Variants in DMD observed in about 807,000 individuals in gnomAD.
DMD encodes dystrophin.
In DMD, 63 loss-of-function variants were observed where a neutral mutation model predicts 330.1. The observed-to-expected ratio is 0.19, with a 90% CI of 0.16 to 0.24. The LOEUF is 0.24. Ranked by LOEUF, DMD falls within the 10% of genes least tolerant of loss-of-function variation. The pLI is 1.00. For missense variants in DMD, 3,344 were observed against 2,684.1 expected, an observed-to-expected ratio of 1.25 and a Z score of -5.43; for synonymous variants, 1,223 against 959.8, an observed-to-expected ratio of 1.27 and a Z score of -5.07.
intron 16 of DMD, among the ~76,000 whole-genome samples, chrX:32,557,692 G>T (rs1015999461): frequency 8.9e-6 from 1 of 111,805 alleles, no homozygotes; most frequent in Non-Finnish European, 1.9e-5. Flanking sequence ...ATCTGGTAAA[G>T]ATTTGCATCT....
Position 32,217,070 on chromosome X carries a change from G to GCCC in DMD, c.6291-8_6291-7insGGG. 8.3e-7 allele frequency: 1 copy of GCCC among 1,206,461 alleles called. No homozygotes were observed. Among genetic ancestry groups the GCCC allele is most frequent in the Non-Finnish European group, 1.1e-6 (1 of 891,581 alleles). On this transcript the variant is annotated splice_polypyrimidine_tract_variant and splice_region_variant and intron_variant, in intron 43 of 78. Transcript: ENST00000357033. ...AACAGATCTGTCAAATCGCCTGCAGGTAAAAGCATATGGATCAAGAAAAAT... is the reference window on the plus strand; with the variant it reads ...AACAGATCTGTCAAATCGCCTGCAGGCCCTAAAAGCATATGGATCAAGAAAAAT...
chrX:33,017,971 G>T (rs1194922034), intron 2 of DMD, among the ~76,000 whole-genome samples: 1 of 112,078 alleles, frequency 8.9e-6, no homozygotes, highest in Admixed American at 9.5e-5. Flanking sequence ...TTCACCAAGT[G>T]GCTTAAACTG....
chrX:32,811,199 G>A (rs1753149229), intron 6 of DMD, among the ~76,000 whole-genome samples: 2 of 101,256 alleles, frequency 2.0e-5, no homozygotes, highest in East Asian at 3.0e-4. Flanking sequence ...AAAAAAAATA[G>A]CCAAGTGTGC....
chrX:31,433,855 G>GT (rs111620905), intron 60 of DMD, among the ~76,000 whole-genome samples: 22,927 of 110,844 alleles, frequency 0.21, 2,524 homozygotes, highest in African/African-American at 0.41. Flanking sequence ...AGAAATTATA[G>GT]TTTTTTTCCC....
chrX:32,729,651 C>T (rs1245207105), intron 7 of DMD, among the ~76,000 whole-genome samples: 1 of 111,502 alleles, frequency 9.0e-6, no homozygotes, highest in Non-Finnish European at 1.9e-5. Context: ...AGAAATATGC[C>T]AAATTTAATA....
In DMD at chrX:32,667,417, A is replaced by T. The variant is rs2061372272; in HGVS notation, c.961-22265T>A. On this transcript the variant is annotated intron_variant, in intron 9 of 78. Transcript: ENST00000357033. ...ATATTTGCAGCCACTTTATGAATAA[A>T]TTGTTGAGCTTAGTGCTGTGTGACA... Among the ~76,000 whole-genome samples the T allele has an allele frequency of 3.6e-5, 4 of 112,246 alleles. No individual in the cohort carries two copies. The Admixed American group carries it at 3.8e-4, about 11-fold the overall frequency.
intron 1 of DMD, among the ~76,000 whole-genome samples, chrX:33,172,468 A>G (rs909225436): frequency 2.7e-5 from 3 of 111,415 alleles, no homozygotes; most frequent in Non-Finnish European, 3.8e-5. Flanking sequence ...CTCTTGAGAG[A>G]GGTGAAGGAT....
chrX:31,240,308 T>C (rs1040801749), intron 63 of DMD, among the ~76,000 whole-genome samples: 4 of 112,187 alleles, frequency 3.6e-5, no homozygotes, highest in African/African-American at 1.3e-4. Context: ...TTTTTATGTG[T>C]ATGTTTGTAT....
chrX:32,657,891 GA>G (rs58496984), intron 9 of DMD, among the ~76,000 whole-genome samples: 5 of 111,073 alleles, frequency 4.5e-5, no homozygotes, highest in African/African-American at 1.6e-4. Context: ...TTATAAATAG[GA>G]AAAAAATGAT....
At chrX:32,393,256 C>T (rs766372385) in intron 30 of DMD, among the ~76,000 whole-genome samples, 14 of 110,452 alleles carry the variant, frequency 1.3e-4, no homozygotes, top group Admixed American at 4.9e-4. Flanking sequence ...ATACTGGATA[C>T]GCAAGGATAT....
At chrX:32,971,152 G>A (rs1602314224) in intron 2 of DMD, among the ~76,000 whole-genome samples, 1 of 111,257 alleles carries the variant, frequency 9.0e-6, no homozygotes, top group South Asian at 3.8e-4. Context: ...AGTAGAGATG[G>A]GGTTTCACCA....
At chrX:32,668,764 TTTTTTA>T (rs1028283136) in intron 9 of DMD, among the ~76,000 whole-genome samples, 5 of 111,296 alleles carry the variant, frequency 4.5e-5, no homozygotes, top group African/African-American at 1.6e-4. Context: ...AAGATTTTTT[TTTTTTA>T]ATGAAGGGAG....
chrX:32,089,867 C>T (rs1266084600), intron 44 of DMD, among the ~76,000 whole-genome samples: 1 of 111,781 alleles, frequency 8.9e-6, no homozygotes. Flanking sequence ...GAAATCACCA[C>T]ACTGCTTTCA....
At chrX:32,655,781 T>A (rs1255910148) in intron 9 of DMD, among the ~76,000 whole-genome samples, 1 of 111,387 alleles carries the variant, frequency 9.0e-6, no homozygotes, top group East Asian at 2.8e-4. Flanking sequence ...TCTAAGTCTC[T>A]TTGTAGGTCT....
chrX:32,909,186 T>A (rs2087004857), intron 2 of DMD, among the ~76,000 whole-genome samples: 2 of 105,589 alleles, frequency 1.9e-5, no homozygotes, highest in Non-Finnish European at 3.9e-5. Flanking sequence ...AACCTGAGTA[T>A]AACTATGGTA....
chrX:32,346,814 G>T (rs2057205), intron 38 of DMD, among the ~76,000 whole-genome samples: 1,783 of 111,126 alleles, frequency 0.016, 39 homozygotes, highest in African/African-American at 0.054. Flanking sequence ...TCTTTACTTA[G>T]AAATAAAATG....
intron 60 of DMD, among the ~76,000 whole-genome samples, chrX:31,373,739 C>A (rs764989202): frequency 9.0e-6 from 1 of 111,271 alleles, no homozygotes; most frequent in African/African-American, 3.3e-5. Context: ...CTAGGCATTA[C>A]CATTCAGGAC....
intron 57 of DMD, among the ~76,000 whole-genome samples, chrX:31,485,516 C>T: frequency 9.0e-6 from 1 of 111,428 alleles, no homozygotes; most frequent in South Asian, 3.8e-4. Flanking sequence ...TTTTTCTGTC[C>T]CTCTTGCTTC....
intron 7 of DMD, among the ~76,000 whole-genome samples, chrX:32,732,219 A>G (rs2067783620): frequency 1.8e-5 from 2 of 111,239 alleles, no homozygotes; most frequent in African/African-American, 6.5e-5. Flanking sequence ...AGGAAAAAGA[A>G]TAAAAAGAAA....
Sources: allele counts gnomAD v4.1 joint callset (sites outside exome capture counted in the v4.1 genomes callset), GRCh38; gene constraint gnomAD v4.1.1; transcripts MANE v1.5; gene names NCBI Gene and HGNC (gene_info 2026-07-23, HGNC 2026-07-21).